TCF7L2: variants seen among roughly 807,000 people sequenced by gnomAD.
TCF7L2 encodes transcription factor 7-like 2.
TCF7L2 carries 23 observed loss-of-function variants against 77.9 expected under a neutral mutation model. That is an observed-to-expected ratio of 0.30 (90% CI 0.21 to 0.42). The LOEUF (loss-of-function observed/expected upper bound fraction) is 0.42. Ranked by LOEUF, TCF7L2 falls within the 10% of genes least tolerant of loss-of-function variation. The pLI is 1.00. For missense variants in TCF7L2, 654 were observed against 793.1 expected (o/e 0.82, Z 2.11); for synonymous variants, 413 against 340.2 (o/e 1.21, Z -2.36).
chr10:113,042,917 G>A (rs1381926612), intron 5 of TCF7L2, among the ~76,000 whole-genome samples: 1 of 152,162 alleles, frequency 6.6e-6, no homozygotes. Context: ...TCTGGTTCGT[G>A]TTTAGAGTCG....
chr10:113,161,833 A>C (rs1358753379), intron 13 of TCF7L2, among the ~76,000 whole-genome samples: 1 of 152,142 alleles, frequency 6.6e-6, no homozygotes, highest in Non-Finnish European at 1.5e-5. Context: ...ATTAGAGGAG[A>C]GAGGGCCTGA....
intron 12 of TCF7L2, 136 bp downstream of exon 12, chr10:113,158,205 T>G: frequency 1.2e-6 from 1 of 846,260 alleles, no homozygotes; most frequent in Non-Finnish European, 1.9e-6. Flanking sequence ...GCTAGCCTTT[T>G]TGTTTATGCA....
intron 4 of TCF7L2, among the ~76,000 whole-genome samples, chr10:113,037,727 G>A (rs1333274137): frequency 6.6e-6 from 1 of 152,206 alleles, no homozygotes; most frequent in African/African-American, 2.4e-5. Flanking sequence ...CTGGTATTTG[G>A]ATGTAATCAA....
At chr10:112,998,438 G>A (rs370860628) in intron 4 of TCF7L2, among the ~76,000 whole-genome samples, 62 of 152,288 alleles carry the variant, frequency 4.1e-4, no homozygotes, top group East Asian at 1.2e-3. Context: ...AGGGGGAGCC[G>A]TCAGATGGTA....
intron 5 of TCF7L2, among the ~76,000 whole-genome samples, chr10:113,106,653 T>C (rs1040810661): frequency 6.6e-6 from 1 of 152,188 alleles, no homozygotes; most frequent in Non-Finnish European, 1.5e-5. Flanking sequence ...AGCAGTGAGC[T>C]GGAATTGATA....
At chr10:112,991,553 C>T (rs567787352) in intron 4 of TCF7L2, among the ~76,000 whole-genome samples, 1 of 151,700 alleles carries the variant, frequency 6.6e-6, no homozygotes, top group Admixed American at 6.5e-5. Context: ...AACCCCTCCC[C>T]CAGGATGAGA....
intron 4 of TCF7L2, among the ~76,000 whole-genome samples, chr10:112,968,719 C>T (rs978620101): frequency 1.7e-4 from 26 of 152,228 alleles, no homozygotes; most frequent in Non-Finnish European, 2.1e-4. Flanking sequence ...GCTGGGACTA[C>T]GGGTACCTGC....
chr10:112,978,802 AAT>A (rs1444980715), intron 4 of TCF7L2, among the ~76,000 whole-genome samples: 1 of 151,820 alleles, frequency 6.6e-6, no homozygotes, highest in Non-Finnish European at 1.5e-5. Context: ...TTTATATAAT[AAT>A]ATATGATTCC....
intron 13 of TCF7L2, among the ~76,000 whole-genome samples, chr10:113,162,840 A>G (rs1242487169): frequency 1.3e-5 from 2 of 152,170 alleles, no homozygotes; most frequent in East Asian, 3.8e-4. Context: ...CAGAATAAAC[A>G]AGAAGCTAGA....
At chr10:112,956,976 G>A (rs2033779362) in intron 3 of TCF7L2, among the ~76,000 whole-genome samples, 1 of 151,934 alleles carries the variant, frequency 6.6e-6, no homozygotes, top group Non-Finnish European at 1.5e-5. Context: ...TGAGACAGAC[G>A]CCACCACTCC....
chr10:113,002,553 T>G (rs2044689059), intron 4 of TCF7L2, among the ~76,000 whole-genome samples: 1 of 152,092 alleles, frequency 6.6e-6, no homozygotes, highest in South Asian at 2.1e-4. Flanking sequence ...GGGGTGTGTG[T>G]GTGTCCTCTT....
intron 5 of TCF7L2, among the ~76,000 whole-genome samples, chr10:113,084,845 G>A (rs2059662749): frequency 6.6e-6 from 1 of 151,158 alleles, no homozygotes; most frequent in Admixed American, 6.6e-5. Flanking sequence ...GCAGTGAGCT[G>A]AGATTGCACC....
chr10:112,973,155 C>T (rs1294908181), intron 4 of TCF7L2, among the ~76,000 whole-genome samples: 4 of 152,208 alleles, frequency 2.6e-5, no homozygotes, highest in Non-Finnish European at 4.4e-5. Flanking sequence ...CAAGTATCAC[C>T]TGGAGGGCAC....
chr10:113,072,376 A>G (rs1214683594), intron 5 of TCF7L2, among the ~76,000 whole-genome samples: 3 of 151,220 alleles, frequency 2.0e-5, no homozygotes, highest in South Asian at 4.2e-4. Context: ...TTCTTTTGAG[A>G]TGGAGTTTTG....
chr10:113,152,471 T>C, intron 11 of TCF7L2, 31 bp downstream of exon 11: 1 of 1,562,182 alleles, frequency 6.4e-7, no homozygotes, highest in Admixed American at 1.7e-5. Flanking sequence ...AGGATTGGAG[T>C]CTGTAGAGCT....
chr10:113,107,080 C>G (rs148001816), intron 5 of TCF7L2, among the ~76,000 whole-genome samples: 1 of 152,168 alleles, frequency 6.6e-6, no homozygotes, highest in African/African-American at 2.4e-5. Context: ...AGCCGGTGCC[C>G]TGGGTTGAGT....
chr10:113,097,045 T>C (rs2061058735), intron 5 of TCF7L2, among the ~76,000 whole-genome samples: 1 of 151,934 alleles, frequency 6.6e-6, no homozygotes, highest in African/African-American at 2.4e-5. Flanking sequence ...TCTTGCTGTT[T>C]AGAAAAACAG....
chr10:113,065,949 A>G (rs1366708619), intron 5 of TCF7L2, among the ~76,000 whole-genome samples: 2 of 152,174 alleles, frequency 1.3e-5, no homozygotes, highest in East Asian at 3.8e-4. Context: ...AATTCTTATT[A>G]TTTGGTTTGT....
chr10:113,089,509 T>TA, intron 5 of TCF7L2: 1 of 1,613,792 alleles, frequency 6.2e-7, no homozygotes, highest in Non-Finnish European at 8.5e-7. Flanking sequence ...AGCCACTCCT[T>TA]ACAAAAAGTT....
Sources: gnomAD v4.1 joint callset for allele counts (sites outside exome capture counted in the v4.1 genomes callset) on GRCh38, gnomAD v4.1.1 for gene constraint, MANE v1.5 for transcripts, NCBI Gene and HGNC (gene_info 2026-07-23, HGNC 2026-07-21) for gene names.